SLC35F3: variants seen among roughly 807,000 people sequenced by gnomAD.
SLC35F3 encodes the protein solute carrier family 35 member F3.
Under a neutral mutation model 49.9 loss-of-function variants are expected in SLC35F3, and 25 were observed. The ratio of observed to expected loss-of-function variants is 0.50; its 90% CI spans 0.37 to 0.70. The LOEUF is 0.70. SLC35F3 is among the 30% of genes least tolerant of loss of function. The pLI, the probability that SLC35F3 is intolerant of heterozygous loss-of-function variation, is 0.00. For synonymous variants in SLC35F3, 275 were observed against 265.4 expected, an observed-to-expected ratio of 1.04 and a Z score of -0.35; for missense variants, 525 against 639.8, an observed-to-expected ratio of 0.82 and a Z score of 1.94.
At chr1:234,142,406 C>G (rs1665931008) in intron 2 of SLC35F3, among the ~76,000 whole-genome samples, 1 of 152,140 alleles carries the variant, frequency 6.6e-6, no homozygotes, top group Non-Finnish European at 1.5e-5. Flanking sequence ...CCTGAGCAGC[C>G]TGGGAGACTA....
chr1:234,179,756 T>C (rs1666529828), intron 2 of SLC35F3, among the ~76,000 whole-genome samples: 1 of 152,134 alleles, frequency 6.6e-6, no homozygotes, highest in Non-Finnish European at 1.5e-5. Context: ...AACCATGCAA[T>C]TCAGGTTCAA....
At chr1:234,228,888 T>C (rs897196824) in intron 2 of SLC35F3, among the ~76,000 whole-genome samples, 7 of 152,224 alleles carry the variant, frequency 4.6e-5, no homozygotes, top group Non-Finnish European at 7.3e-5. Flanking sequence ...GTATAAAGAA[T>C]ACTTTTTATT....
intron 2 of SLC35F3, among the ~76,000 whole-genome samples, chr1:234,048,874 C>G (rs1453543709): frequency 6.6e-6 from 1 of 152,212 alleles, no homozygotes; most frequent in Non-Finnish European, 1.5e-5. Flanking sequence ...TTCCTTGGGA[C>G]CAATCATCCC....
chr1:234,007,580 C>G (rs1404253373), intron 2 of SLC35F3, among the ~76,000 whole-genome samples: 2 of 152,226 alleles, frequency 1.3e-5, no homozygotes, highest in Non-Finnish European at 2.9e-5. Context: ...GTCATTGGAC[C>G]TTCCTCCTGT....
chr1:233,955,666 A>G (rs1558188623), intron 2 of SLC35F3, among the ~76,000 whole-genome samples: 1 of 151,908 alleles, frequency 6.6e-6, no homozygotes, highest in Admixed American at 6.6e-5. Flanking sequence ...GACACTTGCA[A>G]CTGGTCTCCT....
chr1:234,109,987 G>T (rs898105298), intron 2 of SLC35F3, among the ~76,000 whole-genome samples: 18 of 152,122 alleles, frequency 1.2e-4, no homozygotes, highest in African/African-American at 4.1e-4. Flanking sequence ...CAGGGCTATG[G>T]TATGACTAGG....
At chr1:234,140,207 A>AT (rs1665889561) in intron 2 of SLC35F3, among the ~76,000 whole-genome samples, 1 of 151,882 alleles carries the variant, frequency 6.6e-6, no homozygotes, top group Admixed American at 6.6e-5. Flanking sequence ...CGTTTCTGGA[A>AT]TTTTTCCATT....
intron 2 of SLC35F3, among the ~76,000 whole-genome samples, chr1:234,165,662 A>G (rs911185996): frequency 5.3e-5 from 8 of 152,148 alleles, no homozygotes; most frequent in African/African-American, 1.9e-4. Flanking sequence ...CTGGGATTAC[A>G]GGCATGAGCC....
chr1:234,242,329 G>T (rs963224508), intron 3 of SLC35F3, among the ~76,000 whole-genome samples: 1 of 152,202 alleles, frequency 6.6e-6, no homozygotes, highest in Non-Finnish European at 1.5e-5. Context: ...TCCTGAAAGA[G>T]AAGGGGGCTC....
At chr1:234,011,649 A>C (rs949385638) in intron 2 of SLC35F3, among the ~76,000 whole-genome samples, 2 of 152,188 alleles carry the variant, frequency 1.3e-5, no homozygotes, top group Non-Finnish European at 2.9e-5. Flanking sequence ...AAGTGAGAGC[A>C]CTTGAAGAAA....
At chr1:234,318,562 C>T (rs898910197) in intron 5 of SLC35F3, among the ~76,000 whole-genome samples, 189 bp from the exon 6 acceptor site, 2 of 152,310 alleles carry the variant, frequency 1.3e-5, no homozygotes, top group East Asian at 1.9e-4. Context: ...AGCAACCCTC[C>T]ACTGCCATGT....
At chr1:234,090,874 A>G (rs187354903) in intron 2 of SLC35F3, among the ~76,000 whole-genome samples, 1 of 152,340 alleles carries the variant, frequency 6.6e-6, no homozygotes, top group Admixed American at 6.5e-5. Flanking sequence ...TTTTAAGACT[A>G]GAAGTAATCA....
intron 3 of SLC35F3, among the ~76,000 whole-genome samples, chr1:234,287,979 T>TA (rs928999575): frequency 2.6e-5 from 4 of 152,182 alleles, no homozygotes; most frequent in African/African-American, 9.7e-5. Flanking sequence ...CTTGAACGCC[T>TA]GAGCTCAAGC....
chr1:234,033,827 T>G (rs1244679073), intron 2 of SLC35F3, among the ~76,000 whole-genome samples: 1 of 152,234 alleles, frequency 6.6e-6, no homozygotes, highest in African/African-American at 2.4e-5. Context: ...TAGTCTTGCT[T>G]TGGCTATGTG....
intron 2 of SLC35F3, among the ~76,000 whole-genome samples, chr1:234,172,011 AAGTG>A (rs971521817): frequency 4.6e-5 from 7 of 152,060 alleles, no homozygotes; most frequent in African/African-American, 9.7e-5. Flanking sequence ...ACCCAGTGAA[AAGTG>A]AGAAGGAATG....
At chr1:234,268,173 C>A (rs1668028732) in intron 3 of SLC35F3, among the ~76,000 whole-genome samples, 1 of 152,174 alleles carries the variant, frequency 6.6e-6, no homozygotes, top group African/African-American at 2.4e-5. Flanking sequence ...ACATTGAGCA[C>A]TGAGTGAACC....
intron 2 of SLC35F3, among the ~76,000 whole-genome samples, chr1:233,942,093 CG>C (rs781046077): frequency 2.6e-5 from 4 of 151,236 alleles, no homozygotes; most frequent in African/African-American, 4.9e-5. Flanking sequence ...CCCAAGTAGC[CG>C]GGATTACAGG....
At chr1:234,312,746 C>CTT (rs1485796601) in intron 4 of SLC35F3, among the ~76,000 whole-genome samples, 2 of 152,138 alleles carry the variant, frequency 1.3e-5, no homozygotes, top group Non-Finnish European at 2.9e-5. Context: ...CCATTTTTCC[C>CTT]TTTTGTAAAA....
chr1:234,180,292 G>A (rs1023304367), intron 2 of SLC35F3, among the ~76,000 whole-genome samples: 12 of 152,122 alleles, frequency 7.9e-5, no homozygotes, highest in African/African-American at 2.9e-4. Flanking sequence ...TGCATGCCAT[G>A]GTGTTTCCTT....
Sources: allele counts gnomAD v4.1 joint callset (sites outside exome capture counted in the v4.1 genomes callset), GRCh38; gene constraint gnomAD v4.1.1; transcripts MANE v1.5; gene names NCBI Gene and HGNC (gene_info 2026-07-23, HGNC 2026-07-21).